The following NTM variants were observed in gnomAD, a reference collection of about 807,000 sequenced individuals.
NTM encodes the protein IgLON family member 2.
In NTM, 13 loss-of-function variants were observed where a neutral mutation model predicts 42.1. That is an observed-to-expected ratio of 0.31 (90% CI 0.20 to 0.49). The LOEUF (loss-of-function observed/expected upper bound fraction) is 0.49, where lower values mean the gene tolerates loss of function less well. Among genes scored for constraint, NTM ranks in the 20% least tolerant of loss-of-function variants. NTM has a pLI of 0.99. For synonymous variants in NTM, 187 were observed against 179.2 expected, an observed-to-expected ratio of 1.04 and a Z score of -0.35; for missense variants, 373 against 452.8, an observed-to-expected ratio of 0.82 and a Z score of 1.60.
intron 2 of NTM, among the ~76,000 whole-genome samples, chr11:132,091,987 A>G (rs1044793507): frequency 2.0e-5 from 3 of 152,166 alleles, no homozygotes; most frequent in Non-Finnish European, 2.9e-5. Context: ...TTTGCCACCA[A>G]AGCTGTGAGT....
In NTM at chr11:131,797,268, A is replaced by G. The variant is rs532362725; in HGVS notation, c.83-114296A>G. ...TAAAACAGTGAAAGGCAGATTGACA[A>G]CTATCTCTGCTCCACATCTCCATCC... On this transcript the variant is annotated intron_variant, in intron 1 of 8. Transcript: ENST00000683400. Among the ~76,000 whole-genome samples, 3 of 152,200 alleles carry G rather than the reference A, an allele frequency of 2.0e-5. No homozygotes were observed. In the South Asian group the frequency reaches 6.2e-4, roughly 32 times the overall value.
intron 1 of NTM, among the ~76,000 whole-genome samples, chr11:131,591,934 A>G (rs2059399600): frequency 6.6e-6 from 1 of 152,066 alleles, no homozygotes; most frequent in African/African-American, 2.4e-5. Flanking sequence ...GGTAAGAACT[A>G]CTCAGTTGTT....
In NTM at chr11:132,213,895, C is replaced by T. The variant is rs1469541395; in HGVS notation, c.526+1748C>T. Among the ~76,000 whole-genome samples the T allele has an allele frequency of 5.1e-5, 6 of 116,842 alleles. 1 individual carries two copies. The highest frequency in any genetic ancestry group is 1.2e-4 in the Non-Finnish European group (6 of 51,372). 76.7% of individuals were successfully genotyped at this position (116,842 alleles called of 152,430 possible). A position where few individuals can be genotyped will look rare whatever the true frequency, so the allele number is the denominator to read the frequency against. On this transcript the variant is annotated intron_variant, in intron 4 of 8. Coordinates refer to ENST00000683400, the MANE Select transcript of NTM (RefSeq NM_001352005.2). ...GACTACAGGCGCCCGCCACTACGCC[C>T]GGCTAATTTTTTGTATTTTTAGTAG...
intron 1 of NTM, among the ~76,000 whole-genome samples, chr11:131,550,940 G>C (rs1379947222): frequency 6.6e-6 from 1 of 152,166 alleles, no homozygotes; most frequent in African/African-American, 2.4e-5. Context: ...TGTTAATGCT[G>C]TTGCCCTGCT....
intron 2 of NTM, among the ~76,000 whole-genome samples, chr11:132,141,581 C>T (rs1566280784): frequency 6.6e-6 from 1 of 152,170 alleles, no homozygotes. Flanking sequence ...TGAGCATGTG[C>T]ACATGTGGCT....
chr11:131,595,699 G>T (rs1565681014), intron 1 of NTM, among the ~76,000 whole-genome samples: 2 of 152,236 alleles, frequency 1.3e-5, no homozygotes, highest in African/African-American at 4.8e-5. Flanking sequence ...AAGGTTTTGG[G>T]CTGACAGTGA....
At chr11:132,126,252 C>G (rs2065817131) in intron 2 of NTM, among the ~76,000 whole-genome samples, 1 of 152,164 alleles carries the variant, frequency 6.6e-6, no homozygotes, top group African/African-American at 2.4e-5. Context: ...GATACTGTTT[C>G]TCTCCAGCCC....
intron 1 of NTM, among the ~76,000 whole-genome samples, chr11:131,757,724 G>A (rs1316214774): frequency 6.6e-6 from 1 of 152,088 alleles, no homozygotes; most frequent in African/African-American, 2.4e-5. Flanking sequence ...TTTCTTAACA[G>A]GATGCTATTC....
At chr11:131,456,663 T>C (rs954877754) in intron 1 of NTM, among the ~76,000 whole-genome samples, 2 of 152,134 alleles carry the variant, frequency 1.3e-5, no homozygotes, top group African/African-American at 2.4e-5. Flanking sequence ...TCATGAATAA[T>C]GTTAATTTGG....
chr11:132,267,505 C>A, intron 4 of NTM, among the ~76,000 whole-genome samples: 1 of 147,702 alleles, frequency 6.8e-6, no homozygotes. Context: ...AATTTTCATT[C>A]AGATACCTTT....
chr11:132,320,483 G>A (rs1222617268), intron 7 of NTM, among the ~76,000 whole-genome samples: 2 of 152,168 alleles, frequency 1.3e-5, no homozygotes. Context: ...TTAAAAAACG[G>A]CGCACCATGA....
At chr11:131,433,042 A>C (rs1480069817) in intron 1 of NTM, among the ~76,000 whole-genome samples, 1 of 151,322 alleles carries the variant, frequency 6.6e-6, no homozygotes. Context: ...TCTTTTTAGT[A>C]GAGACAGGGT....
intron 1 of NTM, among the ~76,000 whole-genome samples, chr11:131,586,873 C>T (rs868241168): frequency 2.6e-5 from 4 of 152,198 alleles, no homozygotes; most frequent in Middle Eastern, 3.2e-3. Flanking sequence ...ATCTATATCA[C>T]TTATCTCACA....
chr11:131,414,488 C>T (rs369273052), intron 1 of NTM, among the ~76,000 whole-genome samples: 5 of 152,252 alleles, frequency 3.3e-5, no homozygotes, highest in East Asian at 3.9e-4. Context: ...GCAGCAGGTC[C>T]GGGACTGCCA....
intron 1 of NTM, among the ~76,000 whole-genome samples, chr11:131,551,906 C>T (rs1264295710): frequency 6.6e-6 from 1 of 152,146 alleles, no homozygotes; most frequent in Non-Finnish European, 1.5e-5. Context: ...CTGGGCATGG[C>T]AGAAAAGAGG....
intron 2 of NTM, among the ~76,000 whole-genome samples, chr11:132,143,591 G>A (rs1367216270): frequency 2.0e-5 from 3 of 152,164 alleles, no homozygotes; most frequent in Non-Finnish European, 4.4e-5. Flanking sequence ...TTTGTGAGAT[G>A]ATAAAATAGT....
intron 4 of NTM, among the ~76,000 whole-genome samples, chr11:132,244,689 C>T (rs996008105): frequency 1.3e-5 from 2 of 152,196 alleles, no homozygotes; most frequent in African/African-American, 4.8e-5. Flanking sequence ...CTTCTCTGTA[C>T]ATAGGAGCTA....
chr11:131,443,599 C>G (rs1949793259), intron 1 of NTM, among the ~76,000 whole-genome samples: 1 of 152,150 alleles, frequency 6.6e-6, no homozygotes, highest in Non-Finnish European at 1.5e-5. Context: ...CAGTGGTCCC[C>G]ATTGACTGAT....
At chr11:132,256,609 G>A (rs948122606) in intron 4 of NTM, among the ~76,000 whole-genome samples, 4 of 151,168 alleles carry the variant, frequency 2.6e-5, no homozygotes, top group Admixed American at 6.6e-5. Flanking sequence ...TGCTGGATGC[G>A]AGCTGGCTCT....
Sources: allele counts gnomAD v4.1 joint callset (sites outside exome capture counted in the v4.1 genomes callset), GRCh38; gene constraint gnomAD v4.1.1; transcripts MANE v1.5; gene names NCBI Gene and HGNC (gene_info 2026-07-23, HGNC 2026-07-21).